SOD2: variants seen among roughly 807,000 people sequenced by gnomAD.
The protein encoded by SOD2 is superoxide dismutase 2.
In SOD2, 11 loss-of-function variants were observed where a neutral mutation model predicts 27.0. That is an observed-to-expected ratio of 0.41 (90% CI 0.26 to 0.67). The LOEUF is 0.67. Ranked by LOEUF, SOD2 falls within the 30% of genes least tolerant of loss-of-function variation. The pLI is 0.34. For missense variants in SOD2, 250 were observed against 274.5 expected (o/e 0.91, Z 0.63); for synonymous variants, 105 against 103.0 (o/e 1.02, Z -0.12).
upstream of SOD2, among the ~76,000 whole-genome samples, chr6:159,695,595 T>C (rs527391054): frequency 6.6e-6 from 1 of 152,304 alleles, no homozygotes; most frequent in Admixed American, 6.5e-5. Context: ...GCTGGGCTCA[T>C]GTCATTCTTC....
chr6:159,706,209 CTAA>C (rs1305262129), intron 1 of SOD2, among the ~76,000 whole-genome samples: 4 of 152,202 alleles, frequency 2.6e-5, no homozygotes, highest in African/African-American at 7.2e-5. Context: ...ACTGCATCAA[CTAA>C]TGAGCAAAAT....
upstream of SOD2, among the ~76,000 whole-genome samples, chr6:159,745,766 A>C (rs1779539228): frequency 6.6e-6 from 1 of 152,202 alleles, no homozygotes; most frequent in South Asian, 2.1e-4. Context: ...ATTTGAGAGG[A>C]ACAGGACTTT....
At chr6:159,686,193 A>G (rs1227668267) in intron 3 of SOD2, among the ~76,000 whole-genome samples, 1 of 152,246 alleles carries the variant, frequency 6.6e-6, no homozygotes, top group Non-Finnish European at 1.5e-5. Context: ...CGGGTTTAAA[A>G]GTAATCATCT....
At chr6:159,691,027 T>A (rs939375784) in intron 2 of SOD2, 22 of 152,338 alleles carry the variant, frequency 1.4e-4, no homozygotes, top group African/African-American at 5.3e-4. Context: ...TAATAATTTT[T>A]AAAATATGTT....
intron 1 of SOD2, chr6:159,713,702 C>T: frequency 1.1e-6 from 1 of 890,560 alleles, no homozygotes; most frequent in Non-Finnish European, 1.9e-6. Flanking sequence ...GACCTGTGTG[C>T]TTCGATACCC....
rs1202423021 is a variant in SOD2 at position 159,671,574 on chromosome 6, CA to C, written c.*10918del. ...AACTAACAAACAGAAAGGACATCCACACCAAAACCCCATCTGCACATCACCA... is the reference window on the plus strand; with the variant it reads ...AACTAACAAACAGAAAGGACATCCACCCAAAACCCCATCTGCACATCACCA... On this transcript the variant is annotated 3_prime_UTR_variant, in exon 5 of 5. Transcript: ENST00000538183. The C allele has an allele frequency of 6.6e-5, 10 of 152,234 alleles. No homozygotes were observed. Among genetic ancestry groups the C allele is most frequent in the Admixed American group, 6.5e-4 (10 of 15,276 alleles). The allele number at this position is 152,234 out of a possible 1,614,324, so 9.4% of individuals were successfully genotyped here.
At chr6:159,695,028 C>A (rs1289052745), upstream of SOD2, among the ~76,000 whole-genome samples, 2 of 152,078 alleles carry the variant, frequency 1.3e-5, no homozygotes, top group Non-Finnish European at 2.9e-5. Flanking sequence ...TGGTCTGGCA[C>A]TGACTTGGGG....
intron 1 of SOD2, among the ~76,000 whole-genome samples, chr6:159,706,528 T>C (rs1777630162): frequency 6.6e-6 from 1 of 152,144 alleles, no homozygotes; most frequent in Admixed American, 6.5e-5. Flanking sequence ...AGAAGGCCAT[T>C]ACATAATGGT....
intron 1 of SOD2, among the ~76,000 whole-genome samples, chr6:159,706,418 G>C (rs924771150): frequency 2.8e-4 from 42 of 152,094 alleles, no homozygotes; most frequent in Admixed American, 2.6e-4. Context: ...AAGGGATGGA[G>C]GAAGATCTAC....
At chr6:159,726,809 T>G (rs1778189985) in intron 1 of SOD2, 1 of 1,289,058 alleles carries the variant, frequency 7.8e-7, no homozygotes, top group Non-Finnish European at 1.0e-6. Flanking sequence ...GCCTCACGAC[T>G]GATGAGAGGG....
chr6:159,738,068 C>T (rs1273636782), intron 1 of SOD2, among the ~76,000 whole-genome samples: 2 of 152,194 alleles, frequency 1.3e-5, no homozygotes, highest in African/African-American at 4.8e-5. Context: ...GTACAATCCA[C>T]AGAGCTTATT....
intron 1 of SOD2, chr6:159,753,398 A>C (rs1181862137): frequency 1.2e-6 from 2 of 1,609,646 alleles, no homozygotes; most frequent in African/African-American, 2.7e-5. Flanking sequence ...CACTGTAATA[A>C]TTGTAAGCAA....
upstream of SOD2, chr6:159,693,328 G>GCCC (rs1179283966): frequency 4.4e-5 from 9 of 202,850 alleles, no homozygotes; most frequent in African/African-American, 2.9e-4. Context: ...CCGCCGCCCC[G>GCCC]CCCCCCCCCC....
intron 1 of SOD2, chr6:159,736,436 C>A: frequency 1.5e-6 from 1 of 688,478 alleles, no homozygotes; most frequent in South Asian, 1.8e-5. Context: ...ACAATAATAG[C>A]ATTGGAGTTG....
intron 2 of SOD2, among the ~76,000 whole-genome samples, chr6:159,688,621 G>C (rs764725802): frequency 6.6e-6 from 1 of 152,118 alleles, no homozygotes; most frequent in Non-Finnish European, 1.5e-5. Context: ...GACAGACGAC[G>C]ATTCATTGGG....
chr6:159,721,062 T>C (rs1412071925), intron 1 of SOD2, among the ~76,000 whole-genome samples: 1 of 150,354 alleles, frequency 6.7e-6, no homozygotes, highest in Non-Finnish European at 1.5e-5. Flanking sequence ...TTTTTATTTA[T>C]TTATATTTTT....
intron 4 of SOD2, among the ~76,000 whole-genome samples, chr6:159,684,298 C>A (rs1024384823): frequency 2.6e-5 from 4 of 151,824 alleles, no homozygotes; most frequent in African/African-American, 4.8e-5. Flanking sequence ...GATATTAATT[C>A]TCTGTAGAAT....
chr6:159,743,915 G>A (rs945238749), intron 1 of SOD2: 1 of 1,077,526 alleles, frequency 9.3e-7, no homozygotes, highest in Non-Finnish European at 1.2e-6. Context: ...AGGTACGTAT[G>A]CTTTGAGCTT....
upstream of SOD2, among the ~76,000 whole-genome samples, chr6:159,731,561 A>C (rs1778570822): frequency 6.6e-6 from 1 of 152,246 alleles, no homozygotes; most frequent in South Asian, 2.1e-4. Flanking sequence ...AGTGTTAGAA[A>C]CAGTCGGGAG....
Sources: allele counts gnomAD v4.1 joint callset (sites outside exome capture counted in the v4.1 genomes callset), GRCh38; gene constraint gnomAD v4.1.1; transcripts MANE v1.5; gene names NCBI Gene and HGNC (gene_info 2026-07-23, HGNC 2026-07-21).